The following ADCK5 variants were observed in gnomAD, a reference collection of about 807,000 sequenced individuals.
ADCK5 encodes uncharacterized aarF domain-containing protein kinase 5.
Under a neutral mutation model 64.9 loss-of-function variants are expected in ADCK5, and 43 were observed. That is an observed-to-expected ratio of 0.66 (90% CI 0.52 to 0.85). The LOEUF is 0.85. Ranked by LOEUF, ADCK5 falls within the 40% of genes least tolerant of loss-of-function variation. The pLI, the probability that ADCK5 is intolerant of heterozygous loss-of-function variation, is 0.00. For missense variants in ADCK5, 760 were observed against 810.5 expected (o/e 0.94, Z 0.76); for synonymous variants, 434 against 342.8 (o/e 1.27, Z -2.94).
At chr8:144,387,849 A>G (rs1162383627) in intron 3 of ADCK5, among the ~76,000 whole-genome samples, 1 of 149,226 alleles carries the variant, frequency 6.7e-6, no homozygotes, top group Admixed American at 6.7e-5. Context: ...CTCCTGCCTC[A>G]GCCTCCTTAG....
chr8:144,379,327 G>A (rs1586576334), intron 1 of ADCK5, 60 bp from the exon 2 acceptor site: 11 of 1,321,874 alleles, frequency 8.3e-6, no homozygotes, highest in South Asian at 1.4e-5. Context: ...GCTGGTACTG[G>A]TTGAGGGCAG....
In ADCK5 at chr8:144,388,580, C is replaced by T. The variant is rs369568639; in HGVS notation, c.267-2091C>T. Among the ~76,000 whole-genome samples the T allele has an allele frequency of 5.8e-4, 88 of 151,614 alleles. 1 individual carries two copies. Among genetic ancestry groups the T allele is most frequent in the South Asian group, 3.5e-3 (17 of 4,802 alleles). ...GAGATCGAGACCATCCTGGCCAACACGGTGAAACCCCATCTCTACTAAAAA... is the reference window on the plus strand; with the variant it reads ...GAGATCGAGACCATCCTGGCCAACATGGTGAAACCCCATCTCTACTAAAAA... On this transcript the variant is annotated intron_variant, in intron 3 of 14. Coordinates refer to ENST00000308860, the MANE Select transcript of ADCK5 (RefSeq NM_174922.5).
chr8:144,377,541 G>C (rs1239176281), intron 1 of ADCK5: 1 of 152,178 alleles, frequency 6.6e-6, no homozygotes, highest in African/African-American at 2.4e-5. Flanking sequence ...GTAGAGACAG[G>C]GTTTCGCCAT....
intron 3 of ADCK5, among the ~76,000 whole-genome samples, chr8:144,387,582 T>G (rs1370492610): frequency 6.8e-6 from 1 of 146,304 alleles, no homozygotes; most frequent in Non-Finnish European, 1.5e-5. Flanking sequence ...TTTTTTAATT[T>G]TTAGTAGAGA....
chr8:144,390,698 C>T lies in ADCK5; in HGVS notation c.294C>T (p.Ser98=), dbSNP rs782609549. The T allele has an allele frequency of 2.5e-5, 40 of 1,613,740 alleles. No individual in the cohort carries two copies. The South Asian group carries it at 4.3e-4, about 17-fold the overall frequency. ...GRSLKVGLQI[S]LDYWWCTNVV... is the part of the protein sequence containing the mutation. ...CTCTGAAGGTCGGCCTGCAGATCTCCCTGGACTACTGGTGGTGCACCAATG... is the reference window on the plus strand; with the variant it reads ...CTCTGAAGGTCGGCCTGCAGATCTCTCTGGACTACTGGTGGTGCACCAATG... Residue 98 remains serine, a synonymous_variant, in exon 4 of 15, where the codon TCC becomes TCT. Coordinates refer to ENST00000308860, the MANE Select transcript of ADCK5 (RefSeq NM_174922.5).
intron 3 of ADCK5, among the ~76,000 whole-genome samples, chr8:144,386,862 C>T (rs1554859371): frequency 6.6e-6 from 1 of 152,248 alleles, no homozygotes; most frequent in Admixed American, 6.5e-5. Context: ...CACTCCTTAT[C>T]ACTCAGGAAA....
intron 1 of ADCK5, among the ~76,000 whole-genome samples, chr8:144,374,339 G>A (rs1351098302): frequency 5.9e-5 from 9 of 152,168 alleles, no homozygotes; most frequent in African/African-American, 2.2e-4. Context: ...GCAAGTAGCT[G>A]ACACCGCAGG....
intron 12 of ADCK5, 31 bp from the exon 13 acceptor site, chr8:144,392,414 C>CCCCGG: frequency 5.6e-6 from 8 of 1,435,456 alleles, no homozygotes; most frequent in Non-Finnish European, 6.4e-6. Flanking sequence ...CACTCAGAGC[C>CCCCGG]CCCTCCCTCC....
chr8:144,388,637 C>T (rs1424622057), intron 3 of ADCK5, among the ~76,000 whole-genome samples: 3 of 151,932 alleles, frequency 2.0e-5, no homozygotes, highest in Non-Finnish European at 4.4e-5. Context: ...TGGTGTTGGG[C>T]GCCTGTAGTC....
intron 3 of ADCK5, 30 bp downstream of exon 3, chr8:144,383,260 G>A: frequency 2.0e-6 from 3 of 1,534,846 alleles, no homozygotes; most frequent in Non-Finnish European, 2.6e-6. Flanking sequence ...GGCAGGGGTT[G>A]CGGCGTGGCG....
upstream of ADCK5, chr8:144,373,985 G>T: frequency 1.7e-6 from 2 of 1,179,478 alleles, no homozygotes; most frequent in Non-Finnish European, 2.1e-6. Context: ...CCGCCCACGG[G>T]GCGGGGCTCT....
chr8:144,388,702 C>T (rs191329408), intron 3 of ADCK5, among the ~76,000 whole-genome samples: 29 of 151,546 alleles, frequency 1.9e-4, no homozygotes, highest in African/African-American at 4.6e-4. Flanking sequence ...GAGGCGGAGC[C>T]TGCAGTGAGC....
chr8:144,382,082 A>T (rs1317731370), intron 2 of ADCK5, among the ~76,000 whole-genome samples: 2 of 134,898 alleles, frequency 1.5e-5, no homozygotes, highest in African/African-American at 6.5e-5. Context: ...GGGTGTAGAA[A>T]CAGATGTGTG....
chr8:144,385,217 C>T (rs1469947526), intron 3 of ADCK5, among the ~76,000 whole-genome samples: 1 of 148,262 alleles, frequency 6.7e-6, no homozygotes, highest in Admixed American at 6.8e-5. Flanking sequence ...CGGAGTCTTG[C>T]TCTGTCACCC....
At chr8:144,385,345 G>A (rs111352341) in intron 3 of ADCK5, among the ~76,000 whole-genome samples, 3,628 of 151,630 alleles carry the variant, frequency 0.024, 114 homozygotes, top group African/African-American at 0.075. Flanking sequence ...CACCACGCCC[G>A]GCTAGTTTTT....
intron 12 of ADCK5, 41 bp from the exon 13 acceptor site, chr8:144,392,404 C>G: frequency 6.7e-7 from 1 of 1,492,196 alleles, no homozygotes; most frequent in South Asian, 1.3e-5. Context: ...GCGCGGAACC[C>G]ACTCAGAGCC....
At chr8:144,380,294 G>C (rs1311844324) in intron 2 of ADCK5, among the ~76,000 whole-genome samples, 1 of 150,998 alleles carries the variant, frequency 6.6e-6, no homozygotes. Context: ...TGGGCCGGGT[G>C]TAGAAACAGA....
At chr8:144,391,319 C>T (rs1820213180) in intron 6 of ADCK5, 42 bp from the exon 7 acceptor site, 3 of 1,612,002 alleles carry the variant, frequency 1.9e-6, no homozygotes, top group African/African-American at 1.3e-5. Flanking sequence ...GGGCGGGGCA[C>T]AGTGGGGCCC....
rs1334040485 is a variant in ADCK5 at position 144,376,854 on chromosome 8, G to A, written c.13-2533G>A. ...CAGGTGGATGGCCCGCCTACGAGTC[G>A]CTGCCCGGCTGCCTTGGGTTTTCCT... On this transcript the variant is annotated intron_variant, in intron 1 of 14. Coordinates refer to ENST00000308860, the MANE Select transcript of ADCK5 (RefSeq NM_174922.5). This position sits in a 1 kb window ranked among gnomAD's most constrained non-coding sequence, Gnocchi z 5.1. Among the ~76,000 whole-genome samples the A allele has an allele frequency of 3.3e-5, 5 of 152,214 alleles. No individual in the cohort carries two copies. The highest frequency in any genetic ancestry group is 6.5e-5 in the Admixed American group (1 of 15,286).
Sources: gnomAD v4.1 joint callset for allele counts (sites outside exome capture counted in the v4.1 genomes callset) on GRCh38, gnomAD v4.1.1 for gene constraint, Gnocchi (gnomAD v3.1) non-coding constraint, MANE v1.5 for transcripts, NCBI Gene and HGNC (gene_info 2026-07-23, HGNC 2026-07-21) for gene names.